The following WDR59 variants were observed in gnomAD, a reference collection of about 807,000 sequenced individuals.
WDR59 encodes WD repeat domain 59, also known as GATOR2 complex protein WDR59.
A neutral mutation model predicts 131.2 loss-of-function variants in WDR59; 100 were observed. The observed-to-expected ratio is 0.76, with a 90% CI of 0.65 to 0.90. The LOEUF (loss-of-function observed/expected upper bound fraction) is 0.90, where lower values mean the gene tolerates loss of function less well. Among genes scored for constraint, WDR59 ranks in the 40% least tolerant of loss-of-function variants. The pLI is 0.00. For missense variants in WDR59, 1,203 were observed against 1,262.2 expected (o/e 0.95, Z 0.71); for synonymous variants, 601 against 466.2 (o/e 1.29, Z -3.72).
chr16:74,982,771 A>G (rs2034479210), intron 1 of WDR59, among the ~76,000 whole-genome samples: 1 of 152,184 alleles, frequency 6.6e-6, no homozygotes, highest in Admixed American at 6.6e-5. Context: ...TCCAAATGCT[A>G]CTGCTCAAAT....
At chr16:74,953,115 T>C (rs2033097137) in intron 3 of WDR59, among the ~76,000 whole-genome samples, 2 of 152,096 alleles carry the variant, frequency 1.3e-5, no homozygotes. Flanking sequence ...CCTCTCAAGA[T>C]AAAAGACAGA....
chr16:74,894,082 T>C lies in WDR59; in HGVS notation c.1867-270A>G, dbSNP rs558704439. ...CAGGAAGCCAGGATTAATACATTAATTAATGAATTTGAAAACAGCAAGTAA... is the reference window on the plus strand; with the variant it reads ...CAGGAAGCCAGGATTAATACATTAACTAATGAATTTGAAAACAGCAAGTAA... On this transcript the variant is annotated intron_variant, in intron 18 of 25. Coordinates refer to ENST00000262144, the MANE Select transcript of WDR59 (RefSeq NM_030581.4). The C allele has an allele frequency of 2.1e-5, 7 of 329,484 alleles. No individual in the cohort carries two copies. In the South Asian group the frequency reaches 7.1e-4, roughly 33 times the overall value. 20.4% of individuals were successfully genotyped at this position (329,484 alleles called of 1,614,324 possible). A position where few individuals can be genotyped will look rare whatever the true frequency, so the allele number is the denominator to read the frequency against.
At chr16:74,892,446 G>A in intron 20 of WDR59, 38 bp downstream of exon 20, 2 of 1,556,316 alleles carry the variant, frequency 1.3e-6, no homozygotes, top group Non-Finnish European at 1.8e-6. Context: ...TGCTCCTGAA[G>A]AAAAATCCAA....
chr16:74,892,568 G>A lies in WDR59; in HGVS notation c.2001-3C>T, dbSNP rs1213613862. 2 of 1,610,606 alleles carry A rather than the reference G, an allele frequency of 1.2e-6. No individual in the cohort carries two copies. Among genetic ancestry groups the A allele is most frequent in the African/African-American group, 1.3e-5 (1 of 74,830 alleles). ...CCTGAATATCATTCACATTCAATCT[G>A]AAATTTTTTAAAAAGAATTAAACAT... On this transcript the variant is annotated splice_region_variant and splice_polypyrimidine_tract_variant and intron_variant, in intron 19 of 25. Transcript: ENST00000262144.
intron 19 of WDR59, among the ~76,000 whole-genome samples, 169 bp downstream of exon 19, chr16:74,893,510 T>C (rs1372339217): frequency 6.6e-6 from 1 of 152,122 alleles, no homozygotes; most frequent in Non-Finnish European, 1.5e-5. Flanking sequence ...ATGAATGTTG[T>C]TGGAAGCTGC....
At chr16:74,981,667 T>C (rs1250538663) in intron 1 of WDR59, among the ~76,000 whole-genome samples, 1 of 82,680 alleles carries the variant, frequency 1.2e-5, no homozygotes, top group African/African-American at 5.4e-5. Flanking sequence ...TATATTTTTT[T>C]TTTTTTTAGA....
intron 18 of WDR59, among the ~76,000 whole-genome samples, chr16:74,894,115 AG>A (rs1181421034): frequency 6.6e-6 from 1 of 152,224 alleles, no homozygotes; most frequent in Non-Finnish European, 1.5e-5. Flanking sequence ...TAAATAAGTT[AG>A]TAAAGGCCAC....
chr16:74,942,838 A>T lies in WDR59; in HGVS notation c.446-12T>A, dbSNP rs769895624. On this transcript the variant is annotated splice_polypyrimidine_tract_variant and intron_variant, in intron 6 of 25. Transcript: ENST00000262144. ...CTGGGAGGCACCCGCTGCAAAGAAA[A>T]ATCAGGGAAGAAAGCTGCTGCCCTT... 1.1e-5 allele frequency: 18 copies of T among 1,613,090 alleles called. No individual in the cohort carries two copies. Among genetic ancestry groups the T allele is most frequent in the Admixed American group, 5.0e-5 (3 of 59,790 alleles).
chr16:74,902,322 C>T (rs1485572491), intron 18 of WDR59, among the ~76,000 whole-genome samples: 1 of 152,132 alleles, frequency 6.6e-6, no homozygotes, highest in Admixed American at 6.5e-5. Flanking sequence ...TGGGAACCAC[C>T]CCAAATTGAA....
chr16:74,932,764 C>T (rs184666450), intron 8 of WDR59, among the ~76,000 whole-genome samples: 18 of 152,298 alleles, frequency 1.2e-4, no homozygotes, highest in African/African-American at 3.4e-4. Context: ...GCTGGGATTA[C>T]AGGGGTGAGC....
chr16:74,917,799 A>G, intron 11 of WDR59, 130 bp downstream of exon 11: 17 of 673,280 alleles, frequency 2.5e-5, no homozygotes, highest in Non-Finnish European at 3.5e-5. Context: ...ATTCAGTGAG[A>G]CGCACTCTCA....
intron 3 of WDR59, among the ~76,000 whole-genome samples, chr16:74,954,939 G>A (rs1267065112): frequency 6.6e-6 from 1 of 152,174 alleles, no homozygotes; most frequent in Non-Finnish European, 1.5e-5. Context: ...GCGCAGACTG[G>A]TGGTTGCCAG....
chr16:74,900,226 T>C (rs1212343786), intron 18 of WDR59, among the ~76,000 whole-genome samples: 2 of 152,078 alleles, frequency 1.3e-5, no homozygotes, highest in South Asian at 2.1e-4. Context: ...AAATTTTTTC[T>C]GGTAAGTGTT....
At chr16:74,920,204 T>C (rs2030057174) in intron 10 of WDR59, among the ~76,000 whole-genome samples, 1 of 152,164 alleles carries the variant, frequency 6.6e-6, no homozygotes, top group South Asian at 2.1e-4. Flanking sequence ...TTTGACTTTA[T>C]GATGGCGTGA....
At chr16:74,938,741 T>C (rs2031996541) in intron 7 of WDR59, among the ~76,000 whole-genome samples, 1 of 151,972 alleles carries the variant, frequency 6.6e-6, no homozygotes, top group Non-Finnish European at 1.5e-5. Context: ...GTTTTGCATG[T>C]TGTCCAGGCT....
At chr16:74,982,492 C>G (rs1479021738) in intron 1 of WDR59, among the ~76,000 whole-genome samples, 1 of 152,226 alleles carries the variant, frequency 6.6e-6, no homozygotes. Flanking sequence ...AGCACCCTCT[C>G]TGCAGGTCTC....
At chr16:74,893,911 T>G (rs1223225050) in intron 18 of WDR59, 99 bp from the exon 19 acceptor site, 34 of 1,342,664 alleles carry the variant, frequency 2.5e-5, no homozygotes, top group Non-Finnish European at 3.2e-5. Context: ...AATTTGCACT[T>G]TTTAAAAATT....
chr16:74,940,239 C>T (rs2032108743), intron 7 of WDR59, among the ~76,000 whole-genome samples: 4 of 151,950 alleles, frequency 2.6e-5, no homozygotes, highest in Admixed American at 1.3e-4. Flanking sequence ...ATTAGCCAGG[C>T]GTGGTGGTGG....
rs1204086900 is a variant in WDR59 at position 74,912,223 on chromosome 16, G to A, written c.1364C>T (p.Ser455Phe). The A allele has an allele frequency of 6.2e-7, 1 of 1,614,204 alleles. No individual in the cohort carries two copies. Residue 455 changes from serine (S) to phenylalanine (F), a missense_variant, in exon 14 of 26, where the codon TCC (serine) becomes TTC (phenylalanine). Ser to Phe is a radical substitution (Grantham distance 155, BLOSUM62 -2). Transcript: ENST00000262144. ...CTTCAGCAGCTTAGCTTTCATGGTG[G>A]ATGTGATGGTTGTGGGGTTAATAAA... Reference protein sequence around the residue: ...FQFINPTTITSTMKAKLLKIL... With the variant: ...FQFINPTTITFTMKAKLLKIL...
Sources: gnomAD v4.1 joint callset for allele counts (sites outside exome capture counted in the v4.1 genomes callset) on GRCh38, gnomAD v4.1.1 for gene constraint, MANE v1.5 for transcripts, NCBI Gene and HGNC (gene_info 2026-07-23, HGNC 2026-07-21) for gene names.